The following NTN4 variants were observed in gnomAD, a reference collection of about 807,000 sequenced individuals.
NTN4 encodes netrin-4.
Under a neutral mutation model 73.6 loss-of-function variants are expected in NTN4, and 32 were observed. The ratio of observed to expected loss-of-function variants is 0.44; its 90% CI spans 0.33 to 0.58. NTN4 has a LOEUF of 0.58. NTN4 is among the 20% of genes least tolerant of loss of function. The pLI is 0.04. For missense variants in NTN4, 654 were observed against 798.3 expected (o/e 0.82, Z 2.18); for synonymous variants, 258 against 287.5 (o/e 0.90, Z 1.04).
At chr12:95,773,771 A>G (rs1358632951) in intron 2 of NTN4, among the ~76,000 whole-genome samples, 3 of 152,024 alleles carry the variant, frequency 2.0e-5, no homozygotes, top group African/African-American at 4.8e-5. Context: ...AGCATTCTAC[A>G]TATTTTACTT....
chr12:95,776,327 T>C (rs2079092131), intron 2 of NTN4, among the ~76,000 whole-genome samples: 1 of 152,054 alleles, frequency 6.6e-6, no homozygotes, highest in African/African-American at 2.4e-5. Flanking sequence ...CTTTGATGAG[T>C]TGAGAGAAGA....
intron 5 of NTN4, among the ~76,000 whole-genome samples, chr12:95,705,618 T>C (rs572930272): frequency 2.0e-5 from 3 of 152,220 alleles, no homozygotes; most frequent in Non-Finnish European, 4.4e-5. Context: ...TAATTTCCAT[T>C]AAACTTCAGG....
At chr12:95,738,205 G>A in intron 2 of NTN4, 61 bp from the exon 3 acceptor site, 2 of 1,419,638 alleles carry the variant, frequency 1.4e-6, no homozygotes, top group Admixed American at 4.0e-5. Flanking sequence ...TGAATTGTTT[G>A]CCTAATGTAG....
At position 95,670,050 on chromosome 12, in the gene NTN4, C is replaced by T. The variant is rs1200826220; in HGVS notation, c.1579+28G>A. ...TCTGAACTTAGTGTGAATAGGTTCT[C>T]AGAAGCATTCAAGGATTTCAGACTC... On this transcript the variant is annotated intron_variant, in intron 8 of 9. Coordinates refer to ENST00000343702, the MANE Select transcript of NTN4 (RefSeq NM_021229.4). 35 of 1,439,958 alleles carry T rather than the reference C, an allele frequency of 2.4e-5. No individual in the cohort carries two copies. In the East Asian group the frequency reaches 8.1e-4, roughly 33 times the overall value. The allele number at this position is 1,439,958 out of a possible 1,614,324, so 89.2% of individuals were successfully genotyped here. A position where few individuals can be genotyped will look rare whatever the true frequency, so the allele number is the denominator to read the frequency against.
chr12:95,771,020 C>T (rs1204023488), intron 2 of NTN4, among the ~76,000 whole-genome samples: 6 of 99,648 alleles, frequency 6.0e-5, no homozygotes, highest in South Asian at 2.6e-4. Flanking sequence ...GACAGAGTCT[C>T]GCTCTGTCGC....
intron 5 of NTN4, among the ~76,000 whole-genome samples, chr12:95,686,537 T>C (rs1485091640): frequency 6.6e-6 from 1 of 151,876 alleles, no homozygotes; most frequent in Admixed American, 6.6e-5. Context: ...GGCGGGTGGA[T>C]CACTTGAGGT....
Position 95,682,711 on chromosome 12 carries a change from G to A in NTN4, c.1506C>T (p.His502=), listed in dbSNP as rs763524308. Residue 502 remains histidine, a synonymous_variant, in exon 7 of 10, where the codon CAC becomes CAT. Coordinates refer to ENST00000343702, the MANE Select transcript of NTN4 (RefSeq NM_021229.4). ...EDAQGFSALL[H]SGKCECKEQT... ...GCCTGGTTACATCCATCTCACCTGA[G>A]TGTAGAAGTGCAGAAAACCCCTGCG... is the stretch of plus-strand genomic sequence containing the variant. 3.1e-6 allele frequency: 5 copies of A among 1,606,242 alleles called. No individual in the cohort carries two copies. Among genetic ancestry groups the A allele is most frequent in the East Asian group, 2.2e-5 (1 of 44,790 alleles).
chr12:95,741,005 G>A (rs148402381), intron 2 of NTN4, among the ~76,000 whole-genome samples: 5 of 152,224 alleles, frequency 3.3e-5, no homozygotes, highest in Admixed American at 2.0e-4. Context: ...GAGAAACACC[G>A]TTACATAATT....
intron 2 of NTN4, among the ~76,000 whole-genome samples, chr12:95,757,012 G>A (rs552375593): frequency 6.6e-6 from 1 of 152,156 alleles, no homozygotes; most frequent in African/African-American, 2.4e-5. Flanking sequence ...TCAAGCACCC[G>A]TTATTTCTTC....
intron 3 of NTN4, among the ~76,000 whole-genome samples, chr12:95,734,491 T>C (rs1422773648): frequency 1.3e-5 from 2 of 152,182 alleles, no homozygotes; most frequent in Non-Finnish European, 2.9e-5. Context: ...AAATAAAAAC[T>C]GTGCTAAAAA....
intron 2 of NTN4, among the ~76,000 whole-genome samples, chr12:95,780,487 G>A (rs936053667): frequency 7.2e-5 from 11 of 152,034 alleles, no homozygotes; most frequent in African/African-American, 1.2e-4. Flanking sequence ...ACAAGTAGGC[G>A]AAGGATATGA....
At chr12:95,683,761 G>A (rs748659119) in intron 5 of NTN4, 50 bp from the exon 6 acceptor site, 20 of 1,452,628 alleles carry the variant, frequency 1.4e-5, no homozygotes, top group East Asian at 7.4e-5. Flanking sequence ...TAGATCACCC[G>A]TGTGAACATT....
At chr12:95,689,704 C>G (rs1260247013) in intron 5 of NTN4, among the ~76,000 whole-genome samples, 2 of 152,210 alleles carry the variant, frequency 1.3e-5, no homozygotes, top group African/African-American at 4.8e-5. Context: ...AAATGTGAAG[C>G]CAGAGCAGTA....
chr12:95,676,898 G>A (rs998464449), intron 7 of NTN4, among the ~76,000 whole-genome samples: 1 of 152,144 alleles, frequency 6.6e-6, no homozygotes, highest in Non-Finnish European at 1.5e-5. Flanking sequence ...TAAATTATGA[G>A]TGAATACCAT....
Position 95,659,063 on chromosome 12 carries a change from A to G in NTN4, c.*23T>C, listed in dbSNP as rs1286502469. On this transcript the variant is annotated 3_prime_UTR_variant, in exon 10 of 10. Coordinates refer to ENST00000343702, the MANE Select transcript of NTN4 (RefSeq NM_021229.4). ...TGTGTTTTGTACATAGACAAGTGCC[A>G]TTATGTGCTATCCATCTTAATGCTA... 6.3e-7 allele frequency: 1 copy of G among 1,598,988 alleles called. No individual in the cohort carries two copies. Among genetic ancestry groups the G allele is most frequent in the Admixed American group, 1.7e-5 (1 of 57,440 alleles).
chr12:95,715,483 G>A (rs1213001781), intron 3 of NTN4, among the ~76,000 whole-genome samples: 3 of 152,218 alleles, frequency 2.0e-5, no homozygotes, highest in South Asian at 4.1e-4. Context: ...AGTATGAATT[G>A]AGTTATGATA....
intron 2 of NTN4, among the ~76,000 whole-genome samples, chr12:95,756,887 C>T (rs1391967802): frequency 6.6e-6 from 1 of 151,986 alleles, no homozygotes; most frequent in Non-Finnish European, 1.5e-5. Context: ...CATTGCCACC[C>T]ATTCCGCTCC....
At chr12:95,742,296 C>A (rs1271909089) in intron 2 of NTN4, among the ~76,000 whole-genome samples, 1 of 151,554 alleles carries the variant, frequency 6.6e-6, no homozygotes, top group African/African-American at 2.4e-5. Context: ...GAGTTTGAGA[C>A]CAGCCTGGTT....
Position 95,786,914 on chromosome 12 carries a change from T to A in NTN4, c.585+25A>T, listed in dbSNP as rs59294014. The A allele has an allele frequency of 5.6e-6, 9 of 1,599,194 alleles. No individual in the cohort carries two copies. In the African/African-American group the frequency reaches 8.1e-5, roughly 14 times the overall value. On this transcript the variant is annotated intron_variant, in intron 2 of 9. Coordinates refer to ENST00000343702, the MANE Select transcript of NTN4 (RefSeq NM_021229.4). ...TAACATTTTTCTATCTTACTTACAG[T>A]GTAGAGTTAAACAGGTGCCCTTACC...
Sources: gnomAD v4.1 joint callset for allele counts (sites outside exome capture counted in the v4.1 genomes callset) on GRCh38, gnomAD v4.1.1 for gene constraint, MANE v1.5 for transcripts, NCBI Gene and HGNC (gene_info 2026-07-23, HGNC 2026-07-21) for gene names.